GABRG2: variants seen among roughly 807,000 people sequenced by gnomAD.
GABRG2 encodes gamma-aminobutyric acid type A receptor subunit gamma2.
A neutral mutation model predicts 56.4 loss-of-function variants in GABRG2; 16 were observed. That is an observed-to-expected ratio of 0.28 (90% CI 0.19 to 0.43). The LOEUF (loss-of-function observed/expected upper bound fraction) is 0.43. Among genes scored for constraint, GABRG2 ranks in the 20% least tolerant of loss-of-function variants. GABRG2 has a pLI of 1.00. For synonymous variants in GABRG2, 208 were observed against 205.5 expected (o/e 1.01, Z -0.10); for missense variants, 327 against 582.7 (o/e 0.56, Z 4.52).
rs559417977 is a variant in GABRG2 at position 162,107,522 on chromosome 5, T to G, written c.769+3496T>G. ...TGAGAGAATTTGCTCACCAGGAAAT[T>G]TAATGCTATGTGAGAGTCCTTGCAT... is the stretch of plus-strand genomic sequence containing the variant. On this transcript the variant is annotated intron_variant, in intron 6 of 9. Coordinates refer to ENST00000639213, the MANE Select transcript of GABRG2 (RefSeq NM_198904.4). Among the ~76,000 whole-genome samples, 3 of 152,270 alleles carry G rather than the reference T, an allele frequency of 2.0e-5. No individual in the cohort carries two copies. The South Asian group carries it at 6.2e-4, about 32-fold the overall frequency.
At chr5:162,080,636 A>G (rs767719795) in intron 1 of GABRG2, among the ~76,000 whole-genome samples, 5 of 152,132 alleles carry the variant, frequency 3.3e-5, no homozygotes, top group Admixed American at 2.6e-4. Context: ...GACTTCATAT[A>G]CTAATACCAT....
At chr5:162,115,355 G>A (rs541851968) in intron 6 of GABRG2, among the ~76,000 whole-genome samples, 17 of 152,208 alleles carry the variant, frequency 1.1e-4, no homozygotes, top group South Asian at 4.2e-4. Context: ...GGGTATTTGC[G>A]TTCTCTATGT....
chr5:162,153,425 C>T lies in GABRG2; in HGVS notation c.*57C>T, dbSNP rs1765516984. 1 of 1,570,070 alleles carries T rather than the reference C, an allele frequency of 6.4e-7. No individual in the cohort carries two copies. The highest frequency in any genetic ancestry group is 2.2e-5 in the East Asian group (1 of 44,636). ...TTCACTGAGTCTCATGGAGAGATGT[C>T]TGTTCTAAGTCCACTTAAATAATCC... On this transcript the variant is annotated 3_prime_UTR_variant, in exon 10 of 10. Coordinates refer to ENST00000639213, the MANE Select transcript of GABRG2 (RefSeq NM_198904.4).
intron 6 of GABRG2, among the ~76,000 whole-genome samples, chr5:162,127,717 A>G (rs1031424217): frequency 1.3e-5 from 2 of 152,034 alleles, no homozygotes; most frequent in African/African-American, 4.8e-5. Flanking sequence ...CAAATGCCCA[A>G]GAAAGGTAAT....
At chr5:162,127,570 A>G (rs1029760624) in intron 6 of GABRG2, among the ~76,000 whole-genome samples, 3 of 151,916 alleles carry the variant, frequency 2.0e-5, no homozygotes, top group African/African-American at 7.2e-5. Flanking sequence ...TTGTCAATGA[A>G]TGAATGAATG....
intron 1 of GABRG2, among the ~76,000 whole-genome samples, chr5:162,084,162 A>C (rs1759875574): frequency 6.6e-6 from 1 of 151,852 alleles, no homozygotes; most frequent in South Asian, 2.1e-4. Context: ...CTTTGCCCTC[A>C]GTATAATTAG....
intron 1 of GABRG2, among the ~76,000 whole-genome samples, chr5:162,071,084 A>G (rs1758637943): frequency 6.6e-6 from 1 of 151,820 alleles, no homozygotes; most frequent in Non-Finnish European, 1.5e-5. Context: ...TATAAAGAAT[A>G]CACCAACATT....
At chr5:162,137,565 G>A (rs887809505) in intron 6 of GABRG2, among the ~76,000 whole-genome samples, 2 of 151,742 alleles carry the variant, frequency 1.3e-5, no homozygotes. Context: ...AAAAATTTAG[G>A]GTTTTTTTTC....
At chr5:162,098,509 C>A (rs549147601) in intron 4 of GABRG2, 5 of 152,502 alleles carry the variant, frequency 3.3e-5, no homozygotes, top group African/African-American at 1.2e-4. Flanking sequence ...TCATACTTTG[C>A]ATTTAAAACA....
At chr5:162,114,843 A>G (rs990497765) in intron 6 of GABRG2, among the ~76,000 whole-genome samples, 4 of 152,224 alleles carry the variant, frequency 2.6e-5, no homozygotes, top group South Asian at 2.1e-4. Context: ...AAAGTTCTAT[A>G]TATGGACATC....
intron 3 of GABRG2, among the ~76,000 whole-genome samples, chr5:162,096,930 T>G (rs897576216): frequency 1.3e-5 from 2 of 152,100 alleles, no homozygotes; most frequent in Middle Eastern, 3.2e-3. Context: ...GTAAATAGTG[T>G]AAGTAAATAG....
chr5:162,075,339 C>T (rs1034676965), intron 1 of GABRG2, among the ~76,000 whole-genome samples: 1 of 152,020 alleles, frequency 6.6e-6, no homozygotes, highest in Non-Finnish European at 1.5e-5. Context: ...TTGCTCAGAG[C>T]TCACCTTCTC....
chr5:162,068,217 G>C (rs144921791), intron 1 of GABRG2, 111 bp downstream of exon 1: 3 of 758,680 alleles, frequency 4.0e-6, no homozygotes, highest in South Asian at 1.5e-5. Flanking sequence ...TAGGATGTGC[G>C]GCTTTACAAT....
intron 6 of GABRG2, among the ~76,000 whole-genome samples, chr5:162,129,573 T>C (rs1175617699): frequency 6.6e-6 from 1 of 151,926 alleles, no homozygotes; most frequent in Non-Finnish European, 1.5e-5. Flanking sequence ...ATTTATTTAA[T>C]CCATTCAACA....
At chr5:162,106,261 C>G (rs1761818477) in intron 6 of GABRG2, among the ~76,000 whole-genome samples, 1 of 152,174 alleles carries the variant, frequency 6.6e-6, no homozygotes, top group Non-Finnish European at 1.5e-5. Flanking sequence ...ACACTGAGTA[C>G]CATCATGTAA....
chr5:162,140,662 T>G (rs1038386453), intron 6 of GABRG2, among the ~76,000 whole-genome samples: 1 of 152,182 alleles, frequency 6.6e-6, no homozygotes, highest in African/African-American at 2.4e-5. Flanking sequence ...AAATATAATT[T>G]AGCAAAGAAA....
At position 162,142,117 on chromosome 5, in the gene GABRG2, C is replaced by T. The variant is rs749183204; in HGVS notation, c.770-47C>T. 1.0e-5 allele frequency: 16 copies of T among 1,590,744 alleles called. No individual in the cohort carries two copies. The East Asian group carries it at 3.4e-4, about 33-fold the overall frequency. On this transcript the variant is annotated intron_variant, in intron 6 of 9. Transcript: ENST00000639213. ...ATACATGCTTAGTTTTAATGTTTTC[C>T]AGTGATTGATAAAGGGTTGTATGGT...
rs771282908 is a variant in GABRG2 at position 162,067,984 on chromosome 5, GAA to G, written c.-5_-4del. 3.8e-4 allele frequency: 479 copies of G among 1,253,680 alleles called. No individual in the cohort carries two copies. Among genetic ancestry groups the G allele is most frequent in the Non-Finnish European group, 4.2e-4 (371 of 892,478 alleles). The allele number at this position is 1,253,680 out of a possible 1,614,324, so 77.7% of individuals were successfully genotyped here. A position where few individuals can be genotyped will look rare whatever the true frequency, so the allele number is the denominator to read the frequency against. On this transcript the variant is annotated 5_prime_UTR_variant, in exon 1 of 10. Coordinates refer to ENST00000639213, the MANE Select transcript of GABRG2 (RefSeq NM_198904.4). ...ACCAAGAGGCAAGAGGCGAGAGAAG[GAA>G]AAAAAAAAAAGCGATGAGTTCGCCA... is the stretch of plus-strand genomic sequence containing the variant.
chr5:162,123,000 T>G (rs1300644869), intron 6 of GABRG2, among the ~76,000 whole-genome samples: 2 of 151,758 alleles, frequency 1.3e-5, no homozygotes, highest in Non-Finnish European at 3.0e-5. Context: ...TATCTTGCAC[T>G]ATATATCTGG....
Sources: allele counts gnomAD v4.1 joint callset (sites outside exome capture counted in the v4.1 genomes callset), GRCh38; gene constraint gnomAD v4.1.1; transcripts MANE v1.5; gene names NCBI Gene and HGNC (gene_info 2026-07-23, HGNC 2026-07-21).